The following TP63 variants were observed in gnomAD, a reference collection of about 807,000 sequenced individuals.
TP63 encodes tumor protein 63.
A neutral mutation model predicts 82.8 loss-of-function variants in TP63; 17 were observed. The observed-to-expected ratio is 0.21, with a 90% CI of 0.14 to 0.31. The LOEUF (loss-of-function observed/expected upper bound fraction) is 0.31. TP63 is among the 10% of genes least tolerant of loss of function. TP63 has a pLI of 1.00. For missense variants in TP63, 648 were observed against 895.3 expected (o/e 0.72, Z 3.52); for synonymous variants, 330 against 321.7 (o/e 1.03, Z -0.28).
intron 1 of TP63, among the ~76,000 whole-genome samples, chr3:189,668,282 A>G (rs1223226267): frequency 6.6e-6 from 1 of 152,184 alleles, no homozygotes; most frequent in African/African-American, 2.4e-5. Flanking sequence ...GATGTCCAGT[A>G]TAAAATTGAA....
At chr3:189,763,117 TTTAAAAA>T (rs1406101342) in intron 3 of TP63, among the ~76,000 whole-genome samples, 5 of 152,070 alleles carry the variant, frequency 3.3e-5, no homozygotes, top group African/African-American at 1.2e-4. Context: ...ATAAACAAAA[TTTAAAAA>T]TTATCTGGGC....
chr3:189,646,442 A>G lies in TP63; in HGVS notation c.62+14865A>G, dbSNP rs573263537. ...GTTTTCTTCTCTGATACAACTTTAT[A>G]CTTCACATATGGTATTTACATTTAC... On this transcript the variant is annotated intron_variant, in intron 1 of 13. Coordinates refer to ENST00000264731, the MANE Select transcript of TP63 (RefSeq NM_003722.5). 3.4e-5 allele frequency among the ~76,000 whole-genome samples: 5 copies of G among 147,620 alleles called. 2 individuals are homozygous for G. The highest frequency in any genetic ancestry group is 7.4e-5 in the Non-Finnish European group (5 of 67,402).
At chr3:189,768,717 A>G (rs1346148662) in intron 3 of TP63, among the ~76,000 whole-genome samples, 1 of 152,132 alleles carries the variant, frequency 6.6e-6, no homozygotes, top group African/African-American at 2.4e-5. Context: ...TTGACTTAAT[A>G]TTAGGTTGTT....
intron 1 of TP63, among the ~76,000 whole-genome samples, chr3:189,641,375 A>T (rs1320581016): frequency 6.6e-6 from 1 of 152,102 alleles, no homozygotes; most frequent in Non-Finnish European, 1.5e-5. Context: ...TCTCAGGTAA[A>T]ACATACTCAG....
chr3:189,880,525 G>C, intron 10 of TP63: 10 of 994,310 alleles, frequency 1.0e-5, no homozygotes, highest in Non-Finnish European at 1.2e-5. Flanking sequence ...ACCCTTTTCT[G>C]TCTTCTTCTG....
chr3:189,625,790 G>A, the TP63 span, among the ~76,000 whole-genome samples: 1 of 152,148 alleles, frequency 6.6e-6, no homozygotes, highest in Non-Finnish European at 1.5e-5. Flanking sequence ...AGGGGTGGGA[G>A]TGAGGAGCAG....
intron 3 of TP63, among the ~76,000 whole-genome samples, chr3:189,756,848 T>A (rs1173661654): frequency 6.6e-6 from 1 of 152,190 alleles, no homozygotes; most frequent in South Asian, 2.1e-4. Flanking sequence ...GTGCTCAGAC[T>A]GTATGCATTA....
intron 1 of TP63, among the ~76,000 whole-genome samples, chr3:189,636,149 G>C (rs1729764045): frequency 6.6e-6 from 1 of 152,066 alleles, no homozygotes; most frequent in Non-Finnish European, 1.5e-5. Flanking sequence ...TAATGAATAA[G>C]CTTCAAAATA....
At chr3:189,618,016 T>C in the TP63 span, among the ~76,000 whole-genome samples, 2 of 152,170 alleles carry the variant, frequency 1.3e-5, no homozygotes, top group Non-Finnish European at 2.9e-5. Context: ...ATACAGTTAC[T>C]CAAGTCAACA....
intron 1 of TP63, among the ~76,000 whole-genome samples, chr3:189,716,162 C>T (rs1346259149): frequency 6.6e-6 from 1 of 152,160 alleles, no homozygotes; most frequent in Non-Finnish European, 1.5e-5. Flanking sequence ...TTCTAAAAGT[C>T]ATGTTCCTAA....
At chr3:189,660,092 A>G (rs941172493) in intron 1 of TP63, among the ~76,000 whole-genome samples, 3 of 152,066 alleles carry the variant, frequency 2.0e-5, no homozygotes, top group Non-Finnish European at 4.4e-5. Flanking sequence ...TTTTGTTGCA[A>G]TTGCTTTTGA....
intron 1 of TP63, among the ~76,000 whole-genome samples, chr3:189,688,487 C>G (rs1035233979): frequency 6.6e-6 from 1 of 152,104 alleles, no homozygotes; most frequent in Non-Finnish European, 1.5e-5. Context: ...ACTACAATAC[C>G]TCTGTGTCCT....
intron 1 of TP63, among the ~76,000 whole-genome samples, chr3:189,644,951 G>T: frequency 6.8e-6 from 1 of 146,768 alleles, no homozygotes. Context: ...CTTTTATATT[G>T]GACCCTACCT....
intron 4 of TP63, among the ~76,000 whole-genome samples, chr3:189,858,011 G>A (rs966415965): frequency 3.3e-5 from 5 of 152,218 alleles, no homozygotes; most frequent in Non-Finnish European, 7.3e-5. Context: ...AAATCAGTAT[G>A]TCAGAGGGAT....
At chr3:189,788,708 C>T (rs1014838961) in intron 3 of TP63, among the ~76,000 whole-genome samples, 9 of 151,870 alleles carry the variant, frequency 5.9e-5, no homozygotes, top group Non-Finnish European at 8.8e-5. Context: ...ACTAAATCTT[C>T]GTACCAAGGC....
chr3:189,888,999 A>G (rs752864507), intron 11 of TP63, among the ~76,000 whole-genome samples: 1 of 152,224 alleles, frequency 6.6e-6, no homozygotes, highest in Non-Finnish European at 1.5e-5. Flanking sequence ...TGCACAGGTT[A>G]GTGAGGGAGA....
At chr3:189,705,713 C>G (rs966983279) in intron 1 of TP63, among the ~76,000 whole-genome samples, 1 of 152,016 alleles carries the variant, frequency 6.6e-6, no homozygotes, top group Non-Finnish European at 1.5e-5. Flanking sequence ...TTTCAAGAAC[C>G]TTGATAAAGA....
At chr3:189,623,699 T>C in the TP63 span, among the ~76,000 whole-genome samples, 7,821 of 152,284 alleles carry the variant, frequency 0.051, 218 homozygotes, top group Middle Eastern at 0.065. Context: ...CTATGTAGTC[T>C]TGTGAGAGAA....
At chr3:189,686,537 T>G (rs1716451113) in intron 1 of TP63, among the ~76,000 whole-genome samples, 1 of 151,702 alleles carries the variant, frequency 6.6e-6, no homozygotes, top group Non-Finnish European at 1.5e-5. Context: ...AAACATAATT[T>G]CATGAACTAC....
Sources: allele counts gnomAD v4.1 joint callset (sites outside exome capture counted in the v4.1 genomes callset), GRCh38; gene constraint gnomAD v4.1.1; transcripts MANE v1.5; gene names NCBI Gene and HGNC (gene_info 2026-07-23, HGNC 2026-07-21).